TEAD1: variants seen among roughly 807,000 people sequenced by gnomAD.
TEAD1 encodes the protein transcriptional enhancer factor TEF-1.
Under a neutral mutation model 54.9 loss-of-function variants are expected in TEAD1, and 9 were observed. The ratio of observed to expected loss-of-function variants is 0.16; its 90% CI spans 0.10 to 0.29. The LOEUF (loss-of-function observed/expected upper bound fraction) is 0.29, where lower values mean the gene tolerates loss of function less well. TEAD1 is among the 10% of genes least tolerant of loss of function. The pLI is 1.00. For synonymous variants in TEAD1, 200 were observed against 187.8 expected, an observed-to-expected ratio of 1.07 and a Z score of -0.53; for missense variants, 387 against 535.9, an observed-to-expected ratio of 0.72 and a Z score of 2.74.
intron 10 of TEAD1, among the ~76,000 whole-genome samples, chr11:12,920,140 A>T (rs1948777810): frequency 6.6e-6 from 1 of 152,162 alleles, no homozygotes; most frequent in Non-Finnish European, 1.5e-5. Flanking sequence ...GTTATTGTTG[A>T]AAGTCATTTT....
intron 9 of TEAD1, among the ~76,000 whole-genome samples, chr11:12,894,235 A>G (rs1455745689): frequency 6.6e-6 from 1 of 152,198 alleles, no homozygotes; most frequent in Admixed American, 6.5e-5. Flanking sequence ...TTTTTGGAAC[A>G]AATTTAGGAA....
intron 10 of TEAD1, among the ~76,000 whole-genome samples, chr11:12,914,436 C>G (rs963771864): frequency 6.6e-6 from 1 of 152,216 alleles, no homozygotes; most frequent in African/African-American, 2.4e-5. Context: ...CAGCTGCTGT[C>G]TCATCATTGG....
At chr11:12,758,831 A>T (rs917989333) in intron 2 of TEAD1, among the ~76,000 whole-genome samples, 8 of 152,122 alleles carry the variant, frequency 5.3e-5, no homozygotes, top group African/African-American at 1.4e-4. Context: ...GCCTCACCTC[A>T]TCAAGTTCTG....
intron 5 of TEAD1, chr11:12,879,022 C>T: frequency 1.4e-6 from 1 of 712,588 alleles, no homozygotes; most frequent in Admixed American, 3.3e-5. Flanking sequence ...AAAGGAGAAA[C>T]CACGTACCTG....
chr11:12,716,116 G>C (rs1031505583), intron 2 of TEAD1, among the ~76,000 whole-genome samples: 1 of 151,962 alleles, frequency 6.6e-6, no homozygotes, highest in African/African-American at 2.4e-5. Flanking sequence ...TGTCCTGCGC[G>C]GGCTCTTTGT....
intron 3 of TEAD1, among the ~76,000 whole-genome samples, chr11:12,793,472 A>G (rs1945848811): frequency 6.6e-6 from 1 of 152,160 alleles, no homozygotes; most frequent in Non-Finnish European, 1.5e-5. Context: ...ATTTCTGGTA[A>G]CAGCTGAGCT....
intron 2 of TEAD1, among the ~76,000 whole-genome samples, chr11:12,690,904 C>T (rs566475076): frequency 2.6e-5 from 4 of 152,178 alleles, no homozygotes; most frequent in East Asian, 1.9e-4. Context: ...ACTGTCAGTG[C>T]GCCACCATGC....
At chr11:12,869,602 A>G (rs1947696504) in intron 5 of TEAD1, among the ~76,000 whole-genome samples, 2 of 152,208 alleles carry the variant, frequency 1.3e-5, no homozygotes, top group Admixed American at 6.5e-5. Context: ...TTTTGTTGCA[A>G]AATTTAAACA....
At chr11:12,725,874 TG>T (rs1339803649) in intron 2 of TEAD1, among the ~76,000 whole-genome samples, 1 of 152,174 alleles carries the variant, frequency 6.6e-6, no homozygotes, top group Non-Finnish European at 1.5e-5. Context: ...TCACTGTGCA[TG>T]GTTTTATTGA....
intron 5 of TEAD1, among the ~76,000 whole-genome samples, chr11:12,869,557 T>C (rs1371629335): frequency 6.6e-6 from 1 of 152,214 alleles, no homozygotes; most frequent in East Asian, 1.9e-4. Context: ...AAAGTAATGG[T>C]AATTGACTAG....
intron 2 of TEAD1, among the ~76,000 whole-genome samples, chr11:12,737,191 A>C (rs934141148): frequency 6.6e-6 from 1 of 152,184 alleles, no homozygotes; most frequent in African/African-American, 2.4e-5. Context: ...GCTCAGTTAC[A>C]TTATTGTTGT....
intron 2 of TEAD1, among the ~76,000 whole-genome samples, chr11:12,705,426 T>C (rs769914672): frequency 6.6e-6 from 1 of 152,122 alleles, no homozygotes; most frequent in Non-Finnish European, 1.5e-5. Flanking sequence ...ACCCGGAGAA[T>C]GAAAGTCCCA....
At chr11:12,685,558 A>C (rs1943314826) in intron 2 of TEAD1, among the ~76,000 whole-genome samples, 3 of 152,180 alleles carry the variant, frequency 2.0e-5, no homozygotes, top group Admixed American at 2.0e-4. Context: ...AATCAGACCT[A>C]ATAAGAAGAG....
intron 2 of TEAD1, among the ~76,000 whole-genome samples, chr11:12,725,375 C>T (rs1944291602): frequency 6.6e-6 from 1 of 152,152 alleles, no homozygotes; most frequent in African/African-American, 2.4e-5. Flanking sequence ...TATATAAATT[C>T]TCTTCAAGAG....
At chr11:12,800,145 T>G (rs964657637) in intron 3 of TEAD1, among the ~76,000 whole-genome samples, 2 of 152,076 alleles carry the variant, frequency 1.3e-5, no homozygotes, top group African/African-American at 4.8e-5. Context: ...GATTAGAAGT[T>G]GGAGAGCCCA....
At chr11:12,881,815 G>A in intron 7 of TEAD1, 81 bp from the exon 8 acceptor site, 1 of 1,446,264 alleles carries the variant, frequency 6.9e-7, no homozygotes, top group African/African-American at 1.4e-5. Context: ...CCTCCCACTG[G>A]GAGGTCATGG....
chr11:12,820,676 C>T (rs1946526415), intron 3 of TEAD1, among the ~76,000 whole-genome samples: 1 of 152,144 alleles, frequency 6.6e-6, no homozygotes. Context: ...GTGATCATGG[C>T]TACTGTTTCA....
chr11:12,899,087 A>G (rs1380977819), intron 9 of TEAD1, among the ~76,000 whole-genome samples: 1 of 152,218 alleles, frequency 6.6e-6, no homozygotes, highest in Admixed American at 6.5e-5. Context: ...GCGAGGCAGA[A>G]CAGCTAGGAG....
intron 9 of TEAD1, among the ~76,000 whole-genome samples, chr11:12,883,662 C>G (rs1222500170): frequency 6.6e-6 from 1 of 152,176 alleles, no homozygotes; most frequent in African/African-American, 2.4e-5. Context: ...ATTCCATACT[C>G]TCTTTCCAAC....
Sources: gnomAD v4.1 joint callset for allele counts (sites outside exome capture counted in the v4.1 genomes callset) on GRCh38, gnomAD v4.1.1 for gene constraint, MANE v1.5 for transcripts, NCBI Gene and HGNC (gene_info 2026-07-23, HGNC 2026-07-21) for gene names.